METTL9: variants seen among roughly 807,000 people sequenced by gnomAD.
METTL9 encodes methyltransferase 9, His-X-His N1(pi)-histidine, also known as protein-L-histidine N-pros-methyltransferase.
Under a neutral mutation model 36.0 loss-of-function variants are expected in METTL9, and 10 were observed. The observed-to-expected ratio is 0.28, with a 90% CI of 0.17 to 0.47. METTL9 has a LOEUF of 0.47. Ranked by LOEUF, METTL9 falls within the 20% of genes least tolerant of loss-of-function variation. METTL9 has a pLI of 0.99. For missense variants in METTL9, 246 were observed against 383.5 expected, an observed-to-expected ratio of 0.64 and a Z score of 3.00; for synonymous variants, 175 against 149.7, an observed-to-expected ratio of 1.17 and a Z score of -1.23.
intron 1 of METTL9, among the ~76,000 whole-genome samples, chr16:21,602,711 G>A (rs984111919): frequency 3.3e-5 from 5 of 151,152 alleles, no homozygotes; most frequent in African/African-American, 1.2e-4. Context: ...AGGCTGGAGC[G>A]CAGTGGCCCA....
At chr16:21,643,215 C>T in intron 4 of METTL9, 1 of 1,284,316 alleles carries the variant, frequency 7.8e-7, no homozygotes, top group South Asian at 1.2e-5. Flanking sequence ...GATAACGACG[C>T]ATCATCAGAA....
At chr16:21,618,681 T>C (rs1965616720) in intron 3 of METTL9, among the ~76,000 whole-genome samples, 1 of 152,074 alleles carries the variant, frequency 6.6e-6, no homozygotes, top group African/African-American at 2.4e-5. Flanking sequence ...GGTTTACTCA[T>C]GTTGTACCAT....
intron 3 of METTL9, among the ~76,000 whole-genome samples, chr16:21,624,618 T>C (rs1297034468): frequency 1.3e-5 from 2 of 151,702 alleles, no homozygotes; most frequent in Non-Finnish European, 2.9e-5. Context: ...TCTCAGTTAC[T>C]GGGGAGGCGG....
chr16:21,604,525 A>G (rs1965221038), intron 1 of METTL9, among the ~76,000 whole-genome samples: 1 of 152,136 alleles, frequency 6.6e-6, no homozygotes, highest in African/African-American at 2.4e-5. Context: ...GATTCCCCTC[A>G]TGGATATGAG....
chr16:21,605,532 A>G (rs1252708384), intron 1 of METTL9, among the ~76,000 whole-genome samples: 1 of 151,856 alleles, frequency 6.6e-6, no homozygotes, highest in Admixed American at 6.6e-5. Context: ...GGCGTGAGCC[A>G]CTGCTCCTGG....
At chr16:21,609,886 A>G (rs767307412) in intron 1 of METTL9, among the ~76,000 whole-genome samples, 1 of 152,114 alleles carries the variant, frequency 6.6e-6, no homozygotes, top group Admixed American at 6.5e-5. Flanking sequence ...GAGGTTTTCT[A>G]GGTTACTTAT....
At chr16:21,635,175 A>G (rs1966057880) in intron 4 of METTL9, among the ~76,000 whole-genome samples, 1 of 152,170 alleles carries the variant, frequency 6.6e-6, no homozygotes, top group South Asian at 2.1e-4. Flanking sequence ...CTGTGTACCT[A>G]TCATGATCAT....
chr16:21,644,859 A>G (rs1262553934), intron 4 of METTL9, among the ~76,000 whole-genome samples: 1 of 152,238 alleles, frequency 6.6e-6, no homozygotes, highest in Non-Finnish European at 1.5e-5. Flanking sequence ...ATAGCTGAAG[A>G]GTCCCATCTG....
At chr16:21,633,188 A>G (rs1206670329) in intron 4 of METTL9, among the ~76,000 whole-genome samples, 1 of 152,060 alleles carries the variant, frequency 6.6e-6, no homozygotes, top group Non-Finnish European at 1.5e-5. Flanking sequence ...GAGGGCCCTC[A>G]TTCCTTGCTG....
At chr16:21,646,712 T>C in intron 4 of METTL9, 1 of 290,576 alleles carries the variant, frequency 3.4e-6, no homozygotes. Flanking sequence ...TGGAGTGCAG[T>C]AGTGCGATCT....
chr16:21,643,499 T>G (rs752291875), intron 4 of METTL9: 2 of 1,231,682 alleles, frequency 1.6e-6, no homozygotes, highest in Non-Finnish European at 2.3e-6. Context: ...TTTGAAATCG[T>G]TACAACCAGC....
chr16:21,644,564 T>G (rs1239804363), intron 4 of METTL9, among the ~76,000 whole-genome samples: 5 of 152,214 alleles, frequency 3.3e-5, no homozygotes, highest in African/African-American at 1.2e-4. Context: ...ATGTAATAGT[T>G]AAAGCCAGTT....
chr16:21,631,613 G>A (rs1000065174), intron 4 of METTL9, among the ~76,000 whole-genome samples: 1 of 152,146 alleles, frequency 6.6e-6, no homozygotes, highest in East Asian at 1.9e-4. Context: ...ACCATCTATC[G>A]TCCTGTCCTG....
intron 4 of METTL9, chr16:21,639,395 AG>A (rs1966188342): frequency 6.6e-6 from 1 of 152,222 alleles, no homozygotes. Context: ...AATGACTCCC[AG>A]AAATGAAAAG....
At chr16:21,602,013 T>C (rs1965145070) in intron 1 of METTL9, among the ~76,000 whole-genome samples, 1 of 152,154 alleles carries the variant, frequency 6.6e-6, no homozygotes, top group African/African-American at 2.4e-5. Context: ...TGGCTGGAGT[T>C]GATAATTTGT....
intron 4 of METTL9, among the ~76,000 whole-genome samples, chr16:21,649,133 T>C (rs1245065661): frequency 6.6e-6 from 1 of 152,104 alleles, no homozygotes; most frequent in Non-Finnish European, 1.5e-5. Flanking sequence ...GCTGGGACTG[T>C]AGGCCTGCAG....
intron 4 of METTL9, chr16:21,642,968 A>C: frequency 1.4e-6 from 1 of 689,974 alleles, no homozygotes; most frequent in Admixed American, 2.4e-5. Context: ...TCTCTTTCAG[A>C]CTCTTCTGAA....
At chr16:21,635,565 A>G (rs1183368670) in intron 4 of METTL9, among the ~76,000 whole-genome samples, 1 of 152,174 alleles carries the variant, frequency 6.6e-6, no homozygotes, top group Admixed American at 6.5e-5. Flanking sequence ...GAAAAGGTCA[A>G]GCTGCAGGAT....
chr16:21,608,216 G>A (rs935425666), intron 1 of METTL9, among the ~76,000 whole-genome samples: 1 of 152,108 alleles, frequency 6.6e-6, no homozygotes, highest in African/African-American at 2.4e-5. Flanking sequence ...CCAGTGCTGC[G>A]AGCTTAGCGT....
Sources: gnomAD v4.1 joint callset for allele counts (sites outside exome capture counted in the v4.1 genomes callset) on GRCh38, gnomAD v4.1.1 for gene constraint, MANE v1.5 for transcripts, NCBI Gene and HGNC (gene_info 2026-07-23, HGNC 2026-07-21) for gene names.